The following KCNIP4 variants were observed in gnomAD, a reference collection of about 807,000 sequenced individuals.
KCNIP4 encodes potassium voltage-gated channel interacting protein 4, also known as Kv channel-interacting protein 4.
A neutral mutation model predicts 34.0 loss-of-function variants in KCNIP4; 12 were observed. The ratio of observed to expected loss-of-function variants is 0.35; its 90% CI spans 0.23 to 0.57. The LOEUF (loss-of-function observed/expected upper bound fraction) is 0.57. KCNIP4 is among the 20% of genes least tolerant of loss of function. The probability of loss-of-function intolerance (pLI) is 0.83; values close to 1 mark genes in which losing one functional copy is unlikely to be tolerated. For missense variants in KCNIP4, 238 were observed against 311.7 expected (o/e 0.76, Z 1.78); for synonymous variants, 124 against 102.2 (o/e 1.21, Z -1.29).
At chr4:21,421,080 A>G (rs1325199516) in intron 1 of KCNIP4, among the ~76,000 whole-genome samples, 1 of 152,206 alleles carries the variant, frequency 6.6e-6, no homozygotes, top group Non-Finnish European at 1.5e-5. Context: ...CAAAACCACA[A>G]TAATATATCA....
chr4:21,467,112 ACACAC>A (rs1227167887), intron 1 of KCNIP4, among the ~76,000 whole-genome samples: 3 of 144,490 alleles, frequency 2.1e-5, no homozygotes, highest in African/African-American at 5.1e-5. Flanking sequence ...ACACACACAC[ACACAC>A]AAAACAGAAC....
intron 1 of KCNIP4, among the ~76,000 whole-genome samples, chr4:21,262,752 T>G (rs1761552957): frequency 6.6e-6 from 1 of 152,222 alleles, no homozygotes; most frequent in African/African-American, 2.4e-5. Context: ...CAACTCCAAC[T>G]TTTACTCAAT....
At chr4:20,918,477 T>G (rs1427867754) in intron 1 of KCNIP4, among the ~76,000 whole-genome samples, 2 of 152,160 alleles carry the variant, frequency 1.3e-5, no homozygotes, top group Non-Finnish European at 2.9e-5. Context: ...TTTTAATACT[T>G]TTATGGGCTT....
intron 2 of KCNIP4, among the ~76,000 whole-genome samples, chr4:20,854,058 C>G (rs573807474): frequency 1.3e-5 from 2 of 152,284 alleles, no homozygotes; most frequent in Non-Finnish European, 2.9e-5. Context: ...TCAACTAGTA[C>G]AGCCATTATG....
chr4:21,487,568 T>G (rs1056863754), intron 1 of KCNIP4, among the ~76,000 whole-genome samples: 1 of 152,168 alleles, frequency 6.6e-6, no homozygotes, highest in African/African-American at 2.4e-5. Flanking sequence ...ATTTAAGGAA[T>G]GGGGAGCAAT....
chr4:21,522,248 C>G (rs1212739868), intron 1 of KCNIP4, among the ~76,000 whole-genome samples: 2 of 152,094 alleles, frequency 1.3e-5, no homozygotes, highest in Non-Finnish European at 2.9e-5. Flanking sequence ...AAAAAAATTG[C>G]AGGCACCACA....
chr4:21,369,704 G>T (rs186329323), intron 1 of KCNIP4, among the ~76,000 whole-genome samples: 3 of 147,144 alleles, frequency 2.0e-5, no homozygotes, highest in East Asian at 4.0e-4. Context: ...ATTCCAATGA[G>T]AACTATTATT....
chr4:21,000,407 AG>A (rs1312972312), intron 1 of KCNIP4, among the ~76,000 whole-genome samples: 2 of 152,052 alleles, frequency 1.3e-5, no homozygotes, highest in African/African-American at 4.8e-5. Flanking sequence ...GAAAAAAAAA[AG>A]ACACGGTGGC....
At chr4:21,765,957 G>C (rs1009408438) in intron 1 of KCNIP4, among the ~76,000 whole-genome samples, 34 of 151,970 alleles carry the variant, frequency 2.2e-4, no homozygotes, top group African/African-American at 8.0e-4. Context: ...CATTAGATTA[G>C]AAAGGAGCCA....
At chr4:21,448,791 A>C (rs1728260343) in intron 1 of KCNIP4, among the ~76,000 whole-genome samples, 1 of 152,150 alleles carries the variant, frequency 6.6e-6, no homozygotes, top group Non-Finnish European at 1.5e-5. Flanking sequence ...AGTCAGACAT[A>C]GAGAGGCAGT....
rs990427435 is a variant in KCNIP4, at chr4:21,449,693, A to G, written c.61+498878T>C. ...TTTAAAGTTATTTGTCTCCCTCACC[A>G]TTGCAATATAAACTCCATAAGTGCA... On this transcript the variant is annotated intron_variant, in intron 1 of 8. Transcript: ENST00000382152. Among the ~76,000 whole-genome samples, 5 of 151,600 alleles carry G rather than the reference A, an allele frequency of 3.3e-5. No homozygotes were observed. In the East Asian group the frequency reaches 7.7e-4, roughly 23 times the overall value.
chr4:21,355,720 G>C (rs368854099), intron 1 of KCNIP4, among the ~76,000 whole-genome samples: 30 of 151,944 alleles, frequency 2.0e-4, no homozygotes, highest in African/African-American at 3.1e-4. Flanking sequence ...AATCTACCAG[G>C]GTACAAAGAG....
At chr4:20,952,104 A>G (rs1732848091) in intron 1 of KCNIP4, among the ~76,000 whole-genome samples, 1 of 152,214 alleles carries the variant, frequency 6.6e-6, no homozygotes, top group Admixed American at 6.5e-5. Context: ...CAGCTGGATT[A>G]CAAATACATT....
At chr4:21,391,220 T>C (rs1305265943) in intron 1 of KCNIP4, among the ~76,000 whole-genome samples, 1 of 152,180 alleles carries the variant, frequency 6.6e-6, no homozygotes, top group Admixed American at 6.6e-5. Context: ...ACCTACTATG[T>C]TCCAAATACT....
rs564317171 is a variant in KCNIP4 at position 20,735,827 on chromosome 4, G to A, written c.430-1092C>T. On this transcript the variant is annotated intron_variant, in intron 5 of 8. Coordinates refer to ENST00000382152, the MANE Select transcript of KCNIP4 (RefSeq NM_025221.6). ...TGGGATTACAGGCGTGAGCCACCAC[G>A]CCTGGCCAGATTTCTTGTTGTTATG... 6.6e-5 allele frequency among the ~76,000 whole-genome samples: 10 copies of A among 152,138 alleles called. No homozygotes were observed. In the East Asian group the frequency reaches 1.7e-3, roughly 27 times the overall value.
At chr4:21,925,756 T>G (rs1232983556) in intron 1 of KCNIP4, among the ~76,000 whole-genome samples, 1 of 152,158 alleles carries the variant, frequency 6.6e-6, no homozygotes, top group African/African-American at 2.4e-5. Context: ...TAAAAATAAT[T>G]TAATATCTAG....
intron 1 of KCNIP4, among the ~76,000 whole-genome samples, chr4:21,090,329 A>C (rs113293591): frequency 0.024 from 3,719 of 152,318 alleles, 134 homozygotes; most frequent in African/African-American, 0.083. Context: ...TGAATGAATG[A>C]GGAAGTGGAA....
intron 1 of KCNIP4, among the ~76,000 whole-genome samples, chr4:21,889,007 C>A (rs2109398168): frequency 6.6e-6 from 1 of 152,222 alleles, no homozygotes. Flanking sequence ...ACAAGTTAGC[C>A]TGAACACACT....
chr4:21,615,384 C>A (rs371378891), intron 1 of KCNIP4, among the ~76,000 whole-genome samples: 14 of 143,054 alleles, frequency 9.8e-5, no homozygotes, highest in South Asian at 2.2e-4. Context: ...ACTAAAAATA[C>A]AAAAAAAAAA....
Sources: allele counts gnomAD v4.1 joint callset (sites outside exome capture counted in the v4.1 genomes callset), GRCh38; gene constraint gnomAD v4.1.1; transcripts MANE v1.5; gene names NCBI Gene and HGNC (gene_info 2026-07-23, HGNC 2026-07-21).